Variants in RIMBP2 observed in about 807,000 individuals in gnomAD.
RIMBP2 encodes RIMS-binding protein 2.
In RIMBP2, 48 loss-of-function variants were observed where a neutral mutation model predicts 118.6. The observed-to-expected ratio is 0.40, with a 90% confidence interval of 0.32 to 0.51. RIMBP2 has a LOEUF of 0.51. RIMBP2 is among the 20% of genes least tolerant of loss of function. RIMBP2 has a pLI of 0.41. For missense variants in RIMBP2, 1,551 were observed against 1,768.3 expected, an observed-to-expected ratio of 0.88 and a Z score of 2.20; for synonymous variants, 762 against 742.9, an observed-to-expected ratio of 1.03 and a Z score of -0.42.
At chr12:130,645,683 GA>G (rs1164089155) in intron 1 of RIMBP2, among the ~76,000 whole-genome samples, 2 of 152,200 alleles carry the variant, frequency 1.3e-5, no homozygotes, top group Non-Finnish European at 2.9e-5. Context: ...AGAAGGATGA[GA>G]AGAAACAAAG....
chr12:130,529,799 C>T (rs906018160), intron 2 of RIMBP2, among the ~76,000 whole-genome samples: 3 of 152,072 alleles, frequency 2.0e-5, no homozygotes, highest in Non-Finnish European at 4.4e-5. Flanking sequence ...TATCTCAGAT[C>T]ATCAGGCATT....
chr12:130,403,753 G>C (rs1185007847), intron 21 of RIMBP2, among the ~76,000 whole-genome samples: 1 of 151,932 alleles, frequency 6.6e-6, no homozygotes, highest in East Asian at 1.9e-4. Flanking sequence ...CTACAACAAA[G>C]GTATTCCAAT....
rs75134233 is a variant in RIMBP2, at chr12:130,701,834, G to A, written c.-352+14388C>T. On this transcript the variant is annotated intron_variant, in intron 1 of 22. Coordinates refer to ENST00000690449, the MANE Select transcript of RIMBP2 (RefSeq NM_001393629.1). ...CCTGACAACCTGCCTTAAAACCAAGGAGCCGGGATCAGGGTTGCCATGGCC... is the reference window on the plus strand; with the variant it reads ...CCTGACAACCTGCCTTAAAACCAAGAAGCCGGGATCAGGGTTGCCATGGCC... 9.9e-5 allele frequency among the ~76,000 whole-genome samples: 15 copies of A among 152,188 alleles called. 1 individual carries two copies. In the East Asian group the frequency reaches 2.9e-3, roughly 29 times the overall value.
intron 9 of RIMBP2, among the ~76,000 whole-genome samples, chr12:130,448,496 G>A (rs1470593455): frequency 2.0e-5 from 3 of 152,262 alleles, no homozygotes; most frequent in Admixed American, 6.5e-5. Context: ...CTCAGCATGT[G>A]CCAGGCTCAG....
chr12:130,507,219 C>T (rs1469498236), intron 3 of RIMBP2, among the ~76,000 whole-genome samples: 2 of 152,148 alleles, frequency 1.3e-5, no homozygotes, highest in Admixed American at 1.3e-4. Flanking sequence ...GTGGCCTTTG[C>T]CATCACGAGG....
intron 2 of RIMBP2, among the ~76,000 whole-genome samples, chr12:130,627,238 C>A (rs976392784): frequency 6.6e-6 from 1 of 152,236 alleles, no homozygotes; most frequent in Non-Finnish European, 1.5e-5. Flanking sequence ...GCAGGGGCAC[C>A]AAAGGTCCAG....
intron 4 of RIMBP2, among the ~76,000 whole-genome samples, chr12:130,489,007 G>A (rs2138378703): frequency 6.6e-6 from 1 of 152,300 alleles, no homozygotes; most frequent in Non-Finnish European, 1.5e-5. Context: ...GACTCCTACA[G>A]AATTCACGGC....
At chr12:130,671,178 C>T (rs2064179443) in intron 1 of RIMBP2, among the ~76,000 whole-genome samples, 1 of 151,442 alleles carries the variant, frequency 6.6e-6, no homozygotes, top group Non-Finnish European at 1.5e-5. Context: ...CATTTTGTGA[C>T]CTTGAGGGGG....
chr12:130,612,413 T>G (rs1280746895), intron 2 of RIMBP2, among the ~76,000 whole-genome samples: 1 of 152,130 alleles, frequency 6.6e-6, no homozygotes, highest in Admixed American at 6.5e-5. Flanking sequence ...AAGGTCACCA[T>G]GCGTGAGCTG....
At chr12:130,590,590 C>A (rs954380091) in intron 2 of RIMBP2, among the ~76,000 whole-genome samples, 2 of 152,182 alleles carry the variant, frequency 1.3e-5, no homozygotes, top group East Asian at 3.9e-4. Context: ...AGAAGGATGA[C>A]AGATGAGGTT....
In RIMBP2 at chr12:130,442,051, T is replaced by C. The variant is rs373832971; in HGVS notation, c.1301A>G (p.Asn434Ser). ...GTTGAGGAAGATGACGTGGCTGTAG[T>C]TGCTGTTGGTGGGTAGCCAGGAGAG... ...AQLSWLPTNS[N>S]YSHVIFLNEE... The change falls in exon 11 of 23, where the codon AAC becomes AGC. Residue 434 changes from asparagine (N) to serine (S), a missense_variant. Coordinates refer to ENST00000690449, the MANE Select transcript of RIMBP2 (RefSeq NM_001393629.1). This position sits in a 1 kb window ranked among gnomAD's most constrained non-coding sequence, Gnocchi z 6.9. The C allele has an allele frequency of 6.2e-7, 1 of 1,614,152 alleles. No homozygotes were observed. The highest frequency in any genetic ancestry group is 1.3e-5 in the African/African-American group (1 of 75,056).
At position 130,621,565 on chromosome 12, in the gene RIMBP2, C is replaced by T. The variant is rs181543781; in HGVS notation, c.-217+6757G>A. Among the ~76,000 whole-genome samples, 7 of 152,318 alleles carry T rather than the reference C, an allele frequency of 4.6e-5. No homozygotes were observed. The highest frequency in any genetic ancestry group is 1.7e-4 in the African/African-American group (7 of 41,566). On this transcript the variant is annotated intron_variant, in intron 2 of 22. Transcript: ENST00000690449. The surrounding 1 kb of genome is among the most constrained non-coding windows in gnomAD (Gnocchi z 6.6). Reference sequence around the variant, plus strand: ...GTCATCTGAAATCTGAAGATCGCGACACACATAATATAATACCACGGGGCA... The same window carrying T: ...GTCATCTGAAATCTGAAGATCGCGATACACATAATATAATACCACGGGGCA...
intron 2 of RIMBP2, among the ~76,000 whole-genome samples, chr12:130,601,866 A>G (rs930269400): frequency 2.0e-5 from 3 of 152,248 alleles, no homozygotes; most frequent in Admixed American, 6.5e-5. Flanking sequence ...AATAGGTGTG[A>G]CATAATCCCT....
chr12:130,657,072 T>C (rs575554057), intron 1 of RIMBP2, among the ~76,000 whole-genome samples: 1 of 152,308 alleles, frequency 6.6e-6, no homozygotes, highest in African/African-American at 2.4e-5. Flanking sequence ...TTTTTACATT[T>C]TTATTTCTAG....
At chr12:130,604,961 C>G (rs1024770841) in intron 2 of RIMBP2, among the ~76,000 whole-genome samples, 1 of 151,854 alleles carries the variant, frequency 6.6e-6, no homozygotes, top group Non-Finnish European at 1.5e-5. Flanking sequence ...CACATACCTA[C>G]TATTGTGTTA....
At chr12:130,451,775 C>T (rs891078287) in intron 7 of RIMBP2, among the ~76,000 whole-genome samples, 1 of 151,922 alleles carries the variant, frequency 6.6e-6, no homozygotes, top group African/African-American at 2.4e-5. Context: ...CGGCGATGGG[C>T]TTGGAGCCCC....
In RIMBP2 at chr12:130,424,155, G is replaced by A. The variant is rs1482157443; in HGVS notation, c.3116C>T (p.Ala1039Val). Reference sequence around the variant, plus strand: ...TAGGTCACACACCAGGGGGCCTTGTGCGACTCTGGGAGGTGGCTTTGCGTG... The same window carrying A: ...TAGGTCACACACCAGGGGGCCTTGTACGACTCTGGGAGGTGGCTTTGCGTG... ...APHAKPPPRVAQGPLILGNPA... is the reference protein window; with the variant it reads ...APHAKPPPRVVQGPLILGNPA... Residue 1039 changes from alanine to valine, a missense_variant, in exon 16 of 23, where the codon GCA becomes GTA. Ala to Val is a moderately conservative substitution (Grantham distance 64). Coordinates refer to ENST00000690449, the MANE Select transcript of RIMBP2 (RefSeq NM_001393629.1). The surrounding 1 kb of genome is among the most constrained non-coding windows in gnomAD (Gnocchi z 9.8). The A allele has an allele frequency of 1.3e-5, 16 of 1,231,928 alleles. No homozygotes were observed. The African/African-American group carries it at 2.3e-4, about 18-fold the overall frequency. 76.3% of individuals were successfully genotyped at this position (1,231,928 alleles called of 1,614,324 possible).
At position 130,437,135 on chromosome 12, in the gene RIMBP2, G is replaced by A. The variant is rs750311138; in HGVS notation, c.1813C>T (p.Pro605Ser). The change falls in exon 13 of 23, where the codon CCT (proline) becomes TCT (serine). Residue 605 changes from proline to serine, a missense_variant. By Grantham distance (74) the Pro-to-Ser change is moderately conservative. Coordinates refer to ENST00000690449, the MANE Select transcript of RIMBP2 (RefSeq NM_001393629.1). ...GCAGGTCTCGGGTGGGGGGTAGGAGGCACCAGGAGCTCGGGGGGAACGGCA... is the reference window on the plus strand; with the variant it reads ...GCAGGTCTCGGGTGGGGGGTAGGAGACACCAGGAGCTCGGGGGGAACGGCA... ...VAAVPPELLV[P>S]PTPHPRPAPQ... 6.3e-7 allele frequency: 1 copy of A among 1,582,462 alleles called. No homozygotes were observed. Among genetic ancestry groups the A allele is most frequent in the South Asian group, 1.1e-5 (1 of 87,230 alleles).
chr12:130,535,660 CATATACAT>C (rs2053933785), intron 2 of RIMBP2, among the ~76,000 whole-genome samples: 1 of 147,698 alleles, frequency 6.8e-6, no homozygotes, highest in Non-Finnish European at 1.5e-5. Flanking sequence ...TACATATACA[CATATACAT>C]ATATACACAT....
Sources: allele counts gnomAD v4.1 joint callset (sites outside exome capture counted in the v4.1 genomes callset), GRCh38; gene constraint gnomAD v4.1.1; non-coding constraint Gnocchi (gnomAD v3.1); transcripts MANE v1.5; gene names NCBI Gene and HGNC (gene_info 2026-07-23, HGNC 2026-07-21).